The following ARNT2 variants were observed in gnomAD, a reference collection of about 807,000 sequenced individuals.
ARNT2 encodes aryl hydrocarbon receptor nuclear translocator 2.
ARNT2 carries 36 observed loss-of-function variants against 91.7 expected under a neutral mutation model. That is an observed-to-expected ratio of 0.39 (90% confidence interval 0.30 to 0.52). The LOEUF (loss-of-function observed/expected upper bound fraction) is 0.52. Ranked by LOEUF, ARNT2 falls within the 20% of genes least tolerant of loss-of-function variation. The pLI is 0.72. For missense variants in ARNT2, 775 were observed against 939.3 expected, an observed-to-expected ratio of 0.83 and a Z score of 2.29; for synonymous variants, 365 against 347.1, an observed-to-expected ratio of 1.05 and a Z score of -0.57.
intron 17 of ARNT2, among the ~76,000 whole-genome samples, chr15:80,583,356 T>C (rs749944567): frequency 7.9e-5 from 12 of 152,212 alleles, no homozygotes; most frequent in Non-Finnish European, 1.3e-4. Context: ...CCAGTGCCTT[T>C]AGCTCCATGC....
chr15:80,529,434 A>G (rs1342008901), intron 8 of ARNT2, among the ~76,000 whole-genome samples: 3 of 152,238 alleles, frequency 2.0e-5, no homozygotes, highest in African/African-American at 7.2e-5. Flanking sequence ...AAGTACCTAC[A>G]GATCAGCATT....
intron 2 of ARNT2, among the ~76,000 whole-genome samples, chr15:80,451,279 G>A (rs1038380855): frequency 2.0e-5 from 3 of 152,242 alleles, no homozygotes; most frequent in African/African-American, 4.8e-5. Context: ...GGGCTCACCC[G>A]TTATCCTGCC....
chr15:80,437,613 C>T (rs1393851024), intron 1 of ARNT2, among the ~76,000 whole-genome samples: 1 of 152,192 alleles, frequency 6.6e-6, no homozygotes, highest in Non-Finnish European at 1.5e-5. Flanking sequence ...TGCCTTTTCC[C>T]CCTTTCATCA....
chr15:80,452,532 A>AT (rs957310108), intron 2 of ARNT2, among the ~76,000 whole-genome samples: 28 of 152,194 alleles, frequency 1.8e-4, no homozygotes, highest in South Asian at 8.3e-4. Context: ...AACTTAATTG[A>AT]TTTTTTTTAC....
chr15:80,471,323 A>G (rs1386001249), intron 4 of ARNT2, among the ~76,000 whole-genome samples: 1 of 152,238 alleles, frequency 6.6e-6, no homozygotes, highest in Non-Finnish European at 1.5e-5. Context: ...TGGGGGCTGA[A>G]TGATGAGAAC....
At chr15:80,491,796 CTTTTTTTTTTTTTT>C (rs58958624) in intron 5 of ARNT2, among the ~76,000 whole-genome samples, 1 of 67,590 alleles carries the variant, frequency 1.5e-5, no homozygotes, top group African/African-American at 6.4e-5. Flanking sequence ...CAGGACAGGC[CTTTTTTTTTTTTTT>C]TTTTTTTTTT....
rs1395239484 is a variant in ARNT2 at position 80,597,695 on chromosome 15, A to C, written c.*3997A>C. 6.5e-6 allele frequency: 1 copy of C among 154,858 alleles called. No individual in the cohort carries two copies. The highest frequency in any genetic ancestry group is 1.4e-5 in the Non-Finnish European group (1 of 69,482). The allele number at this position is 154,858 out of a possible 1,614,324, so 9.6% of individuals were successfully genotyped here. A position where few individuals can be genotyped will look rare whatever the true frequency, so the allele number is the denominator to read the frequency against. ...ACGGCTTGCTTCATCTAACAATCTC[A>C]GTTTCCTTTAAAAAAAGAAAGAAAG... On this transcript the variant is annotated 3_prime_UTR_variant, in exon 19 of 19. Transcript: ENST00000303329.
chr15:80,554,870 A>G (rs1034834687), intron 10 of ARNT2, 195 bp from the exon 11 acceptor site: 19 of 541,588 alleles, frequency 3.5e-5, no homozygotes, highest in Non-Finnish European at 5.9e-5. Flanking sequence ...AGAAGAACTT[A>G]GAGTGAATAC....
chr15:80,527,668 A>G (rs1441991792), intron 8 of ARNT2, among the ~76,000 whole-genome samples: 4 of 152,252 alleles, frequency 2.6e-5, no homozygotes, highest in African/African-American at 9.6e-5. Flanking sequence ...AATGAGGTAC[A>G]GTCACTCTTA....
chr15:80,520,200 T>C (rs1451725472), intron 8 of ARNT2, among the ~76,000 whole-genome samples: 1 of 152,098 alleles, frequency 6.6e-6, no homozygotes, highest in Non-Finnish European at 1.5e-5. Flanking sequence ...ACAAGATGCA[T>C]AATCAAATAT....
intron 8 of ARNT2, among the ~76,000 whole-genome samples, chr15:80,546,686 T>C (rs749997262): frequency 2.6e-5 from 4 of 151,972 alleles, no homozygotes; most frequent in Non-Finnish European, 5.9e-5. Context: ...AGGCAATGGC[T>C]GGGCGCGGTG....
chr15:80,542,940 C>CA (rs374838192), intron 8 of ARNT2, among the ~76,000 whole-genome samples: 3,051 of 151,212 alleles, frequency 0.02, 47 homozygotes, highest in Middle Eastern at 0.069. Flanking sequence ...TCAACAAATA[C>CA]AAAAAAAATT....
In ARNT2 at chr15:80,595,948, G is replaced by A. The variant is rs1383722320; in HGVS notation, c.*2250G>A. Reference sequence around the variant, plus strand: ...AGTGTTTCTCAGTGAAATGAAAACAGTCTTTTTATAGCCTTTAGCTTGTGA... The same window carrying A: ...AGTGTTTCTCAGTGAAATGAAAACAATCTTTTTATAGCCTTTAGCTTGTGA... On this transcript the variant is annotated 3_prime_UTR_variant, in exon 19 of 19. Transcript: ENST00000303329. The A allele has an allele frequency of 6.6e-6, 1 of 152,238 alleles. No homozygotes were observed. Among genetic ancestry groups the A allele is most frequent in the African/African-American group, 2.4e-5 (1 of 41,462 alleles). 9.4% of individuals were successfully genotyped at this position (152,238 alleles called of 1,614,324 possible). A position where few individuals can be genotyped will look rare whatever the true frequency, so the allele number is the denominator to read the frequency against.
At chr15:80,580,773 C>T (rs1034661439) in intron 16 of ARNT2, among the ~76,000 whole-genome samples, 3 of 152,186 alleles carry the variant, frequency 2.0e-5, no homozygotes, top group Admixed American at 2.0e-4. Flanking sequence ...ACAGCCATGC[C>T]CTGAGGCAGC....
intron 5 of ARNT2, among the ~76,000 whole-genome samples, chr15:80,482,466 G>A (rs1164233252): frequency 6.6e-6 from 1 of 152,154 alleles, no homozygotes; most frequent in Non-Finnish European, 1.5e-5. Flanking sequence ...GGAGCATGAG[G>A]CTTGAAGTTA....
Position 80,446,652 on chromosome 15 carries a change from G to C in ARNT2, c.32-4228G>C, listed in dbSNP as rs117263184. Among the ~76,000 whole-genome samples the C allele has an allele frequency of 3.9e-5, 6 of 152,332 alleles. No individual in the cohort carries two copies. In the East Asian group the frequency reaches 1.2e-3, roughly 29 times the overall value. ...GGTACAGGGCTGACCGGTCCCTGCC[G>C]AGTTTCCTAATCTGTAAAATGGGAT... On this transcript the variant is annotated intron_variant, in intron 1 of 18. Transcript: ENST00000303329.
chr15:80,492,046 T>C (rs1254918478), intron 5 of ARNT2, among the ~76,000 whole-genome samples: 1 of 152,068 alleles, frequency 6.6e-6, no homozygotes, highest in Non-Finnish European at 1.5e-5. Context: ...CTTTCTTTCT[T>C]TCTTTTTTTT....
intron 11 of ARNT2, chr15:80,557,018 G>A (rs555158255): frequency 6.6e-6 from 1 of 152,312 alleles, no homozygotes; most frequent in Admixed American, 6.5e-5. Flanking sequence ...AGTTTGTCAT[G>A]CCTCTGAGAA....
intron 11 of ARNT2, among the ~76,000 whole-genome samples, chr15:80,558,662 A>T (rs1433108862): frequency 6.6e-6 from 1 of 152,098 alleles, no homozygotes; most frequent in Non-Finnish European, 1.5e-5. Context: ...TTTGATCCTA[A>T]TCTTCACCAC....
Sources: gnomAD v4.1 joint callset for allele counts (sites outside exome capture counted in the v4.1 genomes callset) on GRCh38, gnomAD v4.1.1 for gene constraint, MANE v1.5 for transcripts, NCBI Gene and HGNC (gene_info 2026-07-23, HGNC 2026-07-21) for gene names.